Variants in SVEP1 observed in about 807,000 individuals in gnomAD.
SVEP1 encodes sushi, von Willebrand factor type A, EGF and pentraxin domain containing 1, also known as sushi, von Willebrand factor type A, EGF and pentraxin domain-containing protein 1.
In SVEP1, 164 loss-of-function variants were observed where a neutral mutation model predicts 367.3. That is an observed-to-expected ratio of 0.45 (90% CI 0.39 to 0.51). The LOEUF is 0.51. Ranked by LOEUF, SVEP1 falls within the 20% of genes least tolerant of loss-of-function variation. The pLI is 0.00. For synonymous variants in SVEP1, 1,666 were observed against 1,611.6 expected (o/e 1.03, Z -0.81); for missense variants, 4,117 against 4,425.3 (o/e 0.93, Z 1.98).
chr9:110,507,167 A>G (rs75790840), intron 5 of SVEP1, among the ~76,000 whole-genome samples: 3,204 of 152,308 alleles, frequency 0.021, 106 homozygotes, highest in African/African-American at 0.072. Flanking sequence ...ACAAAAGAAT[A>G]AAGTTCAGTT....
intron 6 of SVEP1, among the ~76,000 whole-genome samples, chr9:110,501,507 TG>T (rs74983082): frequency 1.6e-3 from 235 of 151,184 alleles, no homozygotes; most frequent in African/African-American, 5.4e-3. Flanking sequence ...TATTTTGTTG[TG>T]GGGGGGGCAG....
At chr9:110,455,895 G>A (rs10081793) in intron 21 of SVEP1, among the ~76,000 whole-genome samples, 192 bp from the exon 22 acceptor site, 24,161 of 152,130 alleles carry the variant, frequency 0.16, 2,108 homozygotes, top group South Asian at 0.23. Flanking sequence ...ACAAATTTAA[G>A]ATATTCTTAT....
At position 110,430,337 on chromosome 9, in the gene SVEP1, C is replaced by G; in HGVS notation, c.5467G>C (p.Gly1823Arg). 6.2e-7 allele frequency: 1 copy of G among 1,613,398 alleles called. No individual in the cohort carries two copies. Among genetic ancestry groups the G allele is most frequent in the South Asian group, 1.1e-5 (1 of 90,972 alleles). ...FSCQEGYQLM[G>R]VTKITCLESG... Reference sequence around the variant, plus strand: ...TCCAAACATGTGATTTTGGTTACTCCCATCAACTGGTATCCTTCCTGACAC... The same window carrying G: ...TCCAAACATGTGATTTTGGTTACTCGCATCAACTGGTATCCTTCCTGACAC... Residue 1823 changes from glycine (G) to arginine (R), a missense_variant, in exon 33 of 48, where the codon GGA becomes CGA. Gly to Arg is a moderately radical substitution (Grantham distance 125). Around this residue, in one of 4 missense-constraint regions of SVEP1, gnomAD observed 2,174 missense variants for 2,494.3 expected, o/e 0.87. Coordinates refer to ENST00000374469, the MANE Select transcript of SVEP1 (RefSeq NM_153366.4).
At chr9:110,397,523 A>T (rs371535454) in intron 40 of SVEP1, among the ~76,000 whole-genome samples, 1 of 151,872 alleles carries the variant, frequency 6.6e-6, no homozygotes, top group African/African-American at 2.4e-5. Flanking sequence ...GAAATAAAGG[A>T]TATTCAATTA....
chr9:110,477,854 A>T (rs1048562203), intron 13 of SVEP1, among the ~76,000 whole-genome samples: 12 of 151,852 alleles, frequency 7.9e-5, no homozygotes, highest in Admixed American at 6.6e-5. Context: ...TGGTCTTCTT[A>T]CTCTCTCCTA....
At position 110,432,474 on chromosome 9, in the gene SVEP1, G is replaced by A; in HGVS notation, c.5221C>T (p.Pro1741Ser). The A allele has an allele frequency of 6.2e-7, 1 of 1,612,670 alleles. No homozygotes were observed. Among genetic ancestry groups the A allele is most frequent in the Non-Finnish European group, 8.5e-7 (1 of 1,179,440 alleles). ...ACATTTATCTCACCAAGGCAGGATG[G>A]TGAAACGCCGTTCCAGCTCCCATTA... ...TDNGSWNGVS[P>S]SCLDVDECAV... Residue 1741 changes from proline to serine, a missense_variant, in exon 31 of 48, where the codon CCA becomes TCA. Physicochemically the swap from Pro to Ser is moderately conservative, Grantham distance 74. Around this residue, in one of 4 missense-constraint regions of SVEP1, gnomAD observed 2,174 missense variants for 2,494.3 expected, o/e 0.87. Coordinates refer to ENST00000374469, the MANE Select transcript of SVEP1 (RefSeq NM_153366.4).
chr9:110,451,217 G>GTT (rs1372000286), intron 23 of SVEP1, 72 bp downstream of exon 23: 4 of 1,211,096 alleles, frequency 3.3e-6, no homozygotes, highest in Non-Finnish European at 4.8e-6. Flanking sequence ...TAATATATAT[G>GTT]TTAAGAAATG....
intron 5 of SVEP1, among the ~76,000 whole-genome samples, chr9:110,504,909 T>C (rs1337813496): frequency 1.3e-5 from 2 of 152,240 alleles, no homozygotes; most frequent in South Asian, 2.1e-4. Context: ...GGGTAGAGCA[T>C]GTTATCTAGG....
intron 14 of SVEP1, 123 bp from the exon 15 acceptor site, chr9:110,472,446 T>G (rs1829035505): frequency 1.1e-6 from 1 of 886,740 alleles, no homozygotes; most frequent in Non-Finnish European, 1.6e-6. Flanking sequence ...CATAACATAC[T>G]GCATACAGGG....
In SVEP1 at chr9:110,387,333, G is replaced by A. The variant is rs771382502; in HGVS notation, c.10012C>T (p.His3338Tyr). ...GYSLEGPSEA[H>Y]CTENGTWSHP... is the part of the protein sequence containing the mutation. ...CTCCAGGTTCCATTTTCTGTGCAGT[G>A]TGCCTCAGATGGCCCTTCAAGACTG... Residue 3338 changes from histidine (H) to tyrosine (Y), a missense_variant, in exon 42 of 48, where the codon CAC becomes TAC. Transcript: ENST00000374469. The A allele has an allele frequency of 1.2e-6, 2 of 1,612,732 alleles. No homozygotes were observed. The highest frequency in any genetic ancestry group is 3.4e-5 in the Admixed American group (2 of 59,562).
At chr9:110,553,808 T>C (rs547942150) in intron 1 of SVEP1, among the ~76,000 whole-genome samples, 2 of 152,194 alleles carry the variant, frequency 1.3e-5, no homozygotes, top group South Asian at 4.2e-4. Context: ...CACTAAGGAG[T>C]GGCCCATCGT....
At chr9:110,469,218 G>A in intron 16 of SVEP1, 117 bp from the exon 17 acceptor site, 1 of 1,075,566 alleles carries the variant, frequency 9.3e-7, no homozygotes, top group Non-Finnish European at 1.3e-6. Flanking sequence ...TTGTTTATGG[G>A]TTAAATTTTA....
chr9:110,497,820 T>C lies in SVEP1; in HGVS notation c.1682-887A>G, dbSNP rs187388400. ...GTTAAATTAGGTCTTCTGTAACTTC[T>C]GGCTGAATATATCTGAATTGATCTC... On this transcript the variant is annotated intron_variant, in intron 7 of 47. Coordinates refer to ENST00000374469, the MANE Select transcript of SVEP1 (RefSeq NM_153366.4). Among the ~76,000 whole-genome samples, 3 of 152,370 alleles carry C rather than the reference T, an allele frequency of 2.0e-5. No homozygotes were observed. In the East Asian group the frequency reaches 5.8e-4, roughly 29 times the overall value.
intron 26 of SVEP1, among the ~76,000 whole-genome samples, chr9:110,444,560 A>T (rs1212844021): frequency 6.6e-6 from 1 of 152,246 alleles, no homozygotes; most frequent in Admixed American, 6.5e-5. Flanking sequence ...AACAACAAGG[A>T]TGGCCAGCCA....
In SVEP1 at chr9:110,408,619, G is replaced by A; in HGVS notation, c.6981C>T (p.Pro2327=). The change falls in exon 38 of 48, where the codon CCC becomes CCT. Residue 2327 remains proline, a synonymous_variant. Transcript: ENST00000374469. ...TTAATACTAGCTGGTTTTCCAAGAG[G>A]GGCGGCTCTGGGCACTTGGCAGGCA... ...KCMPAKCPEP[P]LLENQLVLKE... 9 of 1,613,982 alleles carry A rather than the reference G, an allele frequency of 5.6e-6. No individual in the cohort carries two copies. Among genetic ancestry groups the A allele is most frequent in the Non-Finnish European group, 7.6e-6 (9 of 1,179,876 alleles).
chr9:110,446,034 C>CTGT lies in SVEP1; in HGVS notation c.4263_4265dup (p.Gln1422dup), dbSNP rs747376125. The CTGT allele has an allele frequency of 6.2e-7, 1 of 1,608,044 alleles. No homozygotes were observed. Among genetic ancestry groups the CTGT allele is most frequent in the East Asian group, 2.2e-5 (1 of 44,738 alleles). On this transcript the variant is annotated inframe_insertion, in exon 26 of 48. Transcript: ENST00000374469. ...CAAAATCCAGGTTAAAGCCTGTAGA[C>CTGT]TGTTCTGCAATGAATAAGAAAAGTG...
intron 39 of SVEP1, among the ~76,000 whole-genome samples, chr9:110,403,522 C>T (rs1179215788): frequency 6.6e-6 from 1 of 151,594 alleles, no homozygotes; most frequent in Non-Finnish European, 1.5e-5. Flanking sequence ...CCAGGATGGT[C>T]TCAATCTCTT....
At chr9:110,518,010 G>C (rs1829828231) in intron 3 of SVEP1, among the ~76,000 whole-genome samples, 1 of 151,994 alleles carries the variant, frequency 6.6e-6, no homozygotes, top group Non-Finnish European at 1.5e-5. Flanking sequence ...TATCTTTATG[G>C]TTTTACAAGG....
intron 36 of SVEP1, among the ~76,000 whole-genome samples, chr9:110,415,006 G>C (rs1204198566): frequency 6.6e-6 from 1 of 151,982 alleles, no homozygotes; most frequent in Non-Finnish European, 1.5e-5. Flanking sequence ...GTATAAACAT[G>C]AGCATGAAAA....
Sources: gnomAD v4.1 joint callset for allele counts (sites outside exome capture counted in the v4.1 genomes callset) on GRCh38, gnomAD v4.1.1 for gene constraint, gnomAD v4.1.1 regional missense constraint, MANE v1.5 for transcripts, NCBI Gene and HGNC (gene_info 2026-07-23, HGNC 2026-07-21) for gene names.